APBA1: variants seen among roughly 807,000 people sequenced by gnomAD.
APBA1 encodes the protein amyloid-beta A4 precursor protein-binding family A member 1.
A neutral mutation model predicts 86.6 loss-of-function variants in APBA1; 55 were observed. The observed-to-expected ratio is 0.64, with a 90% CI of 0.51 to 0.80. The LOEUF (loss-of-function observed/expected upper bound fraction) is 0.80. APBA1 is among the 30% of genes least tolerant of loss of function. The pLI, the probability that APBA1 is intolerant of heterozygous loss-of-function variation, is 0.00. For synonymous variants in APBA1, 511 were observed against 493.9 expected, an observed-to-expected ratio of 1.03 and a Z score of -0.46; for missense variants, 1,090 against 1,183.0, an observed-to-expected ratio of 0.92 and a Z score of 1.15.
In APBA1 at chr9:69,633,124, A is replaced by G. The variant is rs1292079672; in HGVS notation, c.-70+39029T>C. On this transcript the variant is annotated intron_variant, in intron 1 of 12. Coordinates refer to ENST00000265381, the MANE Select transcript of APBA1 (RefSeq NM_001163.4). ...CACCAGTAACTGTGTCTTTTATTTT[A>G]TTTTATTTTATTTTTATTTTTTTAT... Among the ~76,000 whole-genome samples the G allele has an allele frequency of 5.6e-5, 5 of 88,594 alleles. No individual in the cohort carries two copies. The East Asian group carries it at 1.6e-3, about 28-fold the overall frequency. 58.1% of individuals were successfully genotyped at this position (88,594 alleles called of 152,430 possible). A position where few individuals can be genotyped will look rare whatever the true frequency, so the allele number is the denominator to read the frequency against.
chr9:69,523,484 T>TATATATATATAC (rs1564066116), intron 1 of APBA1, among the ~76,000 whole-genome samples: 6 of 8,906 alleles, frequency 6.7e-4, no homozygotes, highest in African/African-American at 1.3e-3. Flanking sequence ...TATGTATATA[T>TATATATATATAC]ATATATATAT....
intron 8 of APBA1, among the ~76,000 whole-genome samples, chr9:69,454,070 T>C (rs1835055895): frequency 6.6e-6 from 1 of 152,232 alleles, no homozygotes. Flanking sequence ...CCAGAAAATC[T>C]CTAGAGCGGT....
At chr9:69,510,682 C>T (rs1286377966) in intron 2 of APBA1, among the ~76,000 whole-genome samples, 1 of 143,658 alleles carries the variant, frequency 7.0e-6, no homozygotes, top group Non-Finnish European at 1.5e-5. Flanking sequence ...TACTACAAGG[C>T]TACAGTCACC....
At chr9:69,562,018 GT>G (rs1220218817) in intron 1 of APBA1, among the ~76,000 whole-genome samples, 2 of 152,078 alleles carry the variant, frequency 1.3e-5, no homozygotes, top group African/African-American at 2.4e-5. Context: ...TGGGGGGAAG[GT>G]GATACATTTT....
intron 2 of APBA1, among the ~76,000 whole-genome samples, chr9:69,511,607 TAA>T (rs1220911852): frequency 1.3e-5 from 2 of 151,762 alleles, no homozygotes; most frequent in Admixed American, 1.3e-4. Context: ...CATGCTGCTA[TAA>T]AGACACATGC....
intron 1 of APBA1, among the ~76,000 whole-genome samples, chr9:69,578,769 G>A (rs978129507): frequency 6.6e-6 from 1 of 152,156 alleles, no homozygotes. Flanking sequence ...GTCTAGCTTA[G>A]CACACAAAAT....
chr9:69,475,157 C>A (rs1224901506), intron 3 of APBA1, among the ~76,000 whole-genome samples: 2 of 152,184 alleles, frequency 1.3e-5, no homozygotes, highest in African/African-American at 4.8e-5. Context: ...CCCTCTGGGG[C>A]TGCCCTTTCT....
At chr9:69,500,699 A>G (rs1255434411) in intron 2 of APBA1, among the ~76,000 whole-genome samples, 2 of 152,062 alleles carry the variant, frequency 1.3e-5, no homozygotes, top group African/African-American at 4.8e-5. Flanking sequence ...ACCAATTTTG[A>G]CTGAATCTTA....
chr9:69,524,912 A>G (rs1414960765), intron 1 of APBA1, among the ~76,000 whole-genome samples: 1 of 152,230 alleles, frequency 6.6e-6, no homozygotes, highest in Non-Finnish European at 1.5e-5. Context: ...GCTGGGATGC[A>G]AGGTTGGTTC....
chr9:69,529,805 G>C (rs548142154), intron 1 of APBA1, among the ~76,000 whole-genome samples: 18 of 151,996 alleles, frequency 1.2e-4, no homozygotes, highest in Middle Eastern at 3.4e-3. Flanking sequence ...TCTGACAAAG[G>C]ACTAATATCC....
intron 1 of APBA1, among the ~76,000 whole-genome samples, chr9:69,532,558 G>A (rs994894283): frequency 6.6e-6 from 1 of 152,198 alleles, no homozygotes; most frequent in Non-Finnish European, 1.5e-5. Context: ...GGCTCACAAA[G>A]TGCCTGCTCA....
chr9:69,454,752 G>A (rs922392882), intron 8 of APBA1, among the ~76,000 whole-genome samples: 4 of 152,100 alleles, frequency 2.6e-5, no homozygotes, highest in African/African-American at 9.7e-5. Flanking sequence ...AGGTAGCAGC[G>A]GGGCCTACAG....
intron 1 of APBA1, among the ~76,000 whole-genome samples, chr9:69,616,468 G>A (rs1588394796): frequency 6.6e-6 from 1 of 152,276 alleles, no homozygotes; most frequent in East Asian, 1.9e-4. Context: ...GATTGTCATA[G>A]TACTATTAAT....
At chr9:69,496,768 G>C (rs900594462) in intron 2 of APBA1, among the ~76,000 whole-genome samples, 5 of 151,924 alleles carry the variant, frequency 3.3e-5, no homozygotes, top group South Asian at 2.1e-4. Flanking sequence ...AAAATCTTGG[G>C]GTGTTGATTC....
chr9:69,436,890 C>T (rs1012152727), intron 11 of APBA1, among the ~76,000 whole-genome samples: 6 of 151,848 alleles, frequency 4.0e-5, no homozygotes, highest in African/African-American at 9.7e-5. Flanking sequence ...TTTGTCCATT[C>T]GGTATGATAT....
intron 2 of APBA1, among the ~76,000 whole-genome samples, chr9:69,497,685 A>C (rs772436580): frequency 6.6e-6 from 1 of 152,088 alleles, no homozygotes; most frequent in Non-Finnish European, 1.5e-5. Flanking sequence ...TTTCTTCAGG[A>C]CAACACCTCC....
chr9:69,447,501 C>T (rs1456037826), intron 10 of APBA1, among the ~76,000 whole-genome samples: 1 of 152,180 alleles, frequency 6.6e-6, no homozygotes, highest in East Asian at 1.9e-4. Context: ...CTGGCCTCTA[C>T]CCACTGGATG....
intron 2 of APBA1, among the ~76,000 whole-genome samples, chr9:69,491,543 T>C (rs954250514): frequency 1.3e-5 from 2 of 151,580 alleles, no homozygotes; most frequent in Non-Finnish European, 2.9e-5. Context: ...ACGTGGCGCA[T>C]GTATACATAT....
intron 1 of APBA1, among the ~76,000 whole-genome samples, chr9:69,565,919 C>T (rs560512853): frequency 5.9e-5 from 9 of 152,352 alleles, no homozygotes; most frequent in East Asian, 5.8e-4. Context: ...ATGGCGTCTA[C>T]GGCTCTCAGA....
Sources: allele counts gnomAD v4.1 joint callset (sites outside exome capture counted in the v4.1 genomes callset), GRCh38; gene constraint gnomAD v4.1.1; transcripts MANE v1.5; gene names NCBI Gene and HGNC (gene_info 2026-07-23, HGNC 2026-07-21).